The following SLC11A1 variants were observed in gnomAD, a reference collection of about 807,000 sequenced individuals.
SLC11A1 encodes the protein solute carrier family 11 member 1, also known as natural resistance-associated macrophage protein 1.
A neutral mutation model predicts 63.2 loss-of-function variants in SLC11A1; 59 were observed. The observed-to-expected ratio is 0.93, with a 90% CI of 0.76 to 1.16. The LOEUF is 1.16. Ranked by LOEUF, SLC11A1 falls within the 50% of genes most tolerant of loss-of-function variation. SLC11A1 has a pLI of 0.00. For missense variants in SLC11A1, 688 were observed against 730.7 expected (o/e 0.94, Z 0.67); for synonymous variants, 305 against 307.8 (o/e 0.99, Z 0.09).
Position 218,395,038 on chromosome 2 carries a change from C to G in SLC11A1, c.*3C>G, listed in dbSNP as rs1383606105. ...AGAAAGGGGAGACCTCTGGCTAGGC[C>G]CACACCAGGGCCTGGCTGGGAGTGG... is the stretch of plus-strand genomic sequence containing the variant. On this transcript the variant is annotated 3_prime_UTR_variant, in exon 15 of 15. Transcript: ENST00000233202. 1 of 1,591,644 alleles carries G rather than the reference C, an allele frequency of 6.3e-7. No homozygotes were observed. Among genetic ancestry groups the G allele is most frequent in the Non-Finnish European group, 8.6e-7 (1 of 1,167,332 alleles).
intron 12 of SLC11A1, among the ~76,000 whole-genome samples, chr2:218,393,667 A>G (rs1379907818): frequency 2.0e-5 from 3 of 151,780 alleles, no homozygotes. Flanking sequence ...TAGTAGAGAC[A>G]GGGTTTCATC....
In SLC11A1 at chr2:218,383,065, A is replaced by C. The variant is rs766315037; in HGVS notation, c.113A>C (p.Tyr38Ser). The C allele has an allele frequency of 8.1e-6, 13 of 1,613,850 alleles. No homozygotes were observed. The East Asian group carries it at 1.6e-4, about 19-fold the overall frequency. ...CAGCAAGCACCTCCCAGAGAGACCT[A>C]CCTGAGTGAGAAGATCCCCATCCCA... is the stretch of plus-strand genomic sequence containing the variant. The part of the protein sequence containing the change: ...GPQQAPPRET[Y>S]LSEKIPIPDT... The change falls in exon 2 of 15, where the codon TAC becomes TCC. Residue 38 changes from tyrosine (Y) to serine (S), a missense_variant. Transcript: ENST00000233202.
At position 218,389,893 on chromosome 2, in the gene SLC11A1, C is replaced by A. The variant is rs779674544; in HGVS notation, c.819C>A (p.Arg273=). 1.9e-6 allele frequency: 3 copies of A among 1,613,110 alleles called. No individual in the cohort carries two copies. In the Admixed American group the frequency reaches 5.0e-5, roughly 27 times the overall value. The change falls in exon 9 of 15, where the codon CGC becomes CGA. Residue 273 remains arginine, a synonymous_variant. Transcript: ENST00000233202. ...LVKSREIDRA[R]RADIREANMY... ...AGTCTCGAGAGATAGACCGGGCCCG[C>A]CGAGCAGACATCAGAGAAGCCAACA...
In SLC11A1 at chr2:218,395,408, C is replaced by T. The variant is rs564392149; in HGVS notation, c.*373C>T. On this transcript the variant is annotated 3_prime_UTR_variant, in exon 15 of 15. Transcript: ENST00000233202. ...CTTGAGGACTTGGGCGGGACACAGG[C>T]TCCAAACTGGAGCTTGAAATAGTGT... is the stretch of plus-strand genomic sequence containing the variant. 5.0e-6 allele frequency: 1 copy of T among 201,248 alleles called. No homozygotes were observed. The highest frequency in any genetic ancestry group is 1.0e-4 in the South Asian group (1 of 9,694). 12.5% of individuals were successfully genotyped at this position (201,248 alleles called of 1,614,324 possible).
rs200406810 is a variant in SLC11A1, at chr2:218,394,638, C to T, written c.1395C>T (p.Asn465=). The change falls in exon 14 of 15, where the codon AAC becomes AAT. Residue 465 remains asparagine (N), a synonymous_variant. Transcript: ENST00000233202. ...LMQEFANGLL[N]KVVTSSIMVL... ...CCTCTCTCGTGTCCCCCAGGCTGAA[C>T]AAGGTCGTCACCTCTTCCATCATGG... 703 of 1,613,744 alleles carry T rather than the reference C, an allele frequency of 4.4e-4. 11 individuals are homozygous for T. In the East Asian group the frequency reaches 0.016, roughly 36 times the overall value.
At chr2:218,382,918 G>GA (rs1193742875) in intron 1 of SLC11A1, 42 bp from the exon 2 acceptor site, 4 of 1,612,722 alleles carry the variant, frequency 2.5e-6, no homozygotes, top group Non-Finnish European at 3.4e-6. Context: ...TGGGCCACCA[G>GA]AAAGAGGCAG....
rs139317500 is a variant in SLC11A1 at position 218,394,703 on chromosome 2, A to C, written c.1460A>C (p.Tyr487Ser). The C allele has an allele frequency of 1.2e-6, 2 of 1,614,082 alleles. No individual in the cohort carries two copies. The highest frequency in any genetic ancestry group is 1.7e-6 in the Non-Finnish European group (2 of 1,180,026). ...ATCAACCTCTACTTCGTGGTCAGCT[A>C]TCTGCCCAGCCTGCCCCACCCTGCC... ...CAINLYFVVSYLPSLPHPAYF... is the reference protein window; with the variant it reads ...CAINLYFVVSSLPSLPHPAYF... Residue 487 changes from tyrosine to serine, a missense_variant, in exon 14 of 15, where the codon TAT (tyrosine) becomes TCT (serine). Physicochemically the swap from Tyr to Ser is moderately radical, Grantham distance 144. Transcript: ENST00000233202.
chr2:218,394,210 C>T lies in SLC11A1; in HGVS notation c.1388+17C>T. On this transcript the variant is annotated intron_variant, in intron 13 of 14. Coordinates refer to ENST00000233202, the MANE Select transcript of SLC11A1 (RefSeq NM_000578.4). ...CAATGGCCTGTGAGTACCCCCTTTC[C>T]CAAGTGCTGGATTGCATCACCACAT... The T allele has an allele frequency of 5.0e-6, 8 of 1,612,648 alleles. No individual in the cohort carries two copies. Among genetic ancestry groups the T allele is most frequent in the Non-Finnish European group, 6.8e-6 (8 of 1,178,654 alleles).
chr2:218,392,994 T>A lies in SLC11A1; in HGVS notation c.1178T>A (p.Leu393Gln). 1 of 1,592,846 alleles carries A rather than the reference T, an allele frequency of 6.3e-7. No homozygotes were observed. The highest frequency in any genetic ancestry group is 1.1e-5 in the South Asian group (1 of 88,240). ...CCCCCACCCCAGGGCTTCCTGAGGC[T>A]GCGGTGGTCACGCTTCGCCCGTGTC... ...GQFVMEGFLR[L>Q]RWSRFARVLL... The change falls in exon 12 of 15, where the codon CTG (leucine) becomes CAG (glutamine). Residue 393 changes from leucine to glutamine, a missense_variant. Transcript: ENST00000233202.
intron 13 of SLC11A1, 122 bp downstream of exon 13, chr2:218,394,315 T>A: frequency 1.7e-5 from 17 of 1,029,762 alleles, no homozygotes; most frequent in Non-Finnish European, 2.5e-5. Flanking sequence ...TGAGAGAGGT[T>A]AAGGGACTTA....
intron 8 of SLC11A1, among the ~76,000 whole-genome samples, chr2:218,389,017 A>C (rs1696282146): frequency 6.6e-6 from 1 of 151,994 alleles, no homozygotes; most frequent in South Asian, 2.1e-4. Flanking sequence ...GTTACTCAGG[A>C]GGTTGAGGCT....
rs1696112322 is a variant in SLC11A1 at position 218,386,494 on chromosome 2, G to A, written c.394-141G>A. On this transcript the variant is annotated intron_variant, in intron 4 of 14. Transcript: ENST00000233202. The stretch of plus-strand genomic sequence containing the variant: ...GTTTATCTCTGCCTTTCCATCTCCT[G>A]TATGCTCTTCCTACATAAGGTAGGA... 8.2e-6 allele frequency: 5 copies of A among 612,964 alleles called. 1 individual carries two copies. 38.0% of individuals were successfully genotyped at this position (612,964 alleles called of 1,614,324 possible). A position where few individuals can be genotyped will look rare whatever the true frequency, so the allele number is the denominator to read the frequency against.
rs375573580 is a variant in SLC11A1, at chr2:218,394,149, G to A, written c.1344G>A (p.Thr448=). The change falls in exon 13 of 15, where the codon ACG becomes ACA. Residue 448 remains threonine (T), a synonymous_variant. Coordinates refer to ENST00000233202, the MANE Select transcript of SLC11A1 (RefSeq NM_000578.4). ...CGTTCGCCGTGCTGCCCATCCTCAC[G>A]TTCACCAGCATGCCCACCCTCATGC... is the stretch of plus-strand genomic sequence containing the variant. ...LLPFAVLPIL[T]FTSMPTLMQE... 5.0e-5 allele frequency: 81 copies of A among 1,614,072 alleles called. No homozygotes were observed. The highest frequency in any genetic ancestry group is 2.0e-4 in the African/African-American group (15 of 75,030).
intron 11 of SLC11A1, chr2:218,391,757 G>T (rs1158121109): frequency 2.5e-6 from 1 of 395,996 alleles, no homozygotes; most frequent in Admixed American, 4.4e-5. Flanking sequence ...TCAGTAGCTG[G>T]GATTTCAGGC....
In SLC11A1 at chr2:218,384,865, G is replaced by A; in HGVS notation, c.274-282G>A. 5.4e-6 allele frequency: 2 copies of A among 369,738 alleles called. No individual in the cohort carries two copies. The highest frequency in any genetic ancestry group is 2.2e-5 in the South Asian group (1 of 45,088). The allele number at this position is 369,738 out of a possible 1,614,324, so 22.9% of individuals were successfully genotyped here. A position where few individuals can be genotyped will look rare whatever the true frequency, so the allele number is the denominator to read the frequency against. On this transcript the variant is annotated intron_variant, in intron 3 of 14. Transcript: ENST00000233202. The surrounding 1 kb of genome is among the most constrained non-coding windows in gnomAD (Gnocchi z 4.0). Reference sequence around the variant, plus strand: ...GCCTCCCAAAGTGCTGGGATAACAGGTGTGAGCCACCTTGCCTGGCGTAAT... The same window carrying A: ...GCCTCCCAAAGTGCTGGGATAACAGATGTGAGCCACCTTGCCTGGCGTAAT...
At chr2:218,386,548 G>A (rs571427368) in intron 4 of SLC11A1, 87 bp from the exon 5 acceptor site, 8 of 868,510 alleles carry the variant, frequency 9.2e-6, no homozygotes, top group Non-Finnish European at 1.3e-5. Flanking sequence ...TCTAGTAAAT[G>A]TAGTCTGAGA....
chr2:218,393,818 T>G (rs568072033), intron 12 of SLC11A1, among the ~76,000 whole-genome samples: 15 of 152,110 alleles, frequency 9.9e-5, no homozygotes, highest in Admixed American at 9.2e-4. Context: ...AAGCTCATTA[T>G]GTTTGTTGCC....
intron 2 of SLC11A1, chr2:218,383,597 G>C (rs544532367): frequency 6.6e-6 from 1 of 152,162 alleles, no homozygotes; most frequent in African/African-American, 2.4e-5. Context: ...CTCCTGCCCC[G>C]GCCTCCCGAG....
chr2:218,388,774 C>G (rs1440101122), intron 8 of SLC11A1, among the ~76,000 whole-genome samples: 1 of 151,390 alleles, frequency 6.6e-6, no homozygotes, highest in Non-Finnish European at 1.5e-5. Flanking sequence ...TGCACTCCAG[C>G]CTGAGTGACA....
Sources: allele counts gnomAD v4.1 joint callset (sites outside exome capture counted in the v4.1 genomes callset), GRCh38; gene constraint gnomAD v4.1.1; non-coding constraint Gnocchi (gnomAD v3.1); transcripts MANE v1.5; gene names NCBI Gene and HGNC (gene_info 2026-07-23, HGNC 2026-07-21).